Variants in TPST1 observed in about 807,000 individuals in gnomAD.
TPST1 encodes protein-tyrosine sulfotransferase 1.
A neutral mutation model predicts 34.8 loss-of-function variants in TPST1; 20 were observed. The ratio of observed to expected loss-of-function variants is 0.57; its 90% CI spans 0.40 to 0.84. The LOEUF is 0.84. Among genes scored for constraint, TPST1 ranks in the 40% least tolerant of loss-of-function variants. The pLI, the probability that TPST1 is intolerant of heterozygous loss-of-function variation, is 0.00. For synonymous variants in TPST1, 152 were observed against 159.4 expected (o/e 0.95, Z 0.35); for missense variants, 353 against 455.5 (o/e 0.78, Z 2.05).
At chr7:66,297,690 A>G (rs1433272382) in intron 3 of TPST1, among the ~76,000 whole-genome samples, 1 of 152,250 alleles carries the variant, frequency 6.6e-6, no homozygotes, top group Non-Finnish European at 1.5e-5. Flanking sequence ...ATGAAAATGA[A>G]GTCAGCTGGG....
intron 4 of TPST1, among the ~76,000 whole-genome samples, chr7:66,353,683 C>CCCTTTCCAGCAAG (rs1370530166): frequency 6.6e-6 from 1 of 152,198 alleles, no homozygotes; most frequent in African/African-American, 2.4e-5. Context: ...CAGCCGACTT[C>CCCTTTCCAGCAAG]CCTTTCCAGC....
chr7:66,359,678 A>T (rs1792653122), intron 5 of TPST1, among the ~76,000 whole-genome samples: 1 of 152,200 alleles, frequency 6.6e-6, no homozygotes, highest in African/African-American at 2.4e-5. Flanking sequence ...AGCTACTTGC[A>T]TGCATCTGAA....
intron 3 of TPST1, among the ~76,000 whole-genome samples, chr7:66,339,149 C>A (rs1792183354): frequency 6.6e-6 from 1 of 151,288 alleles, no homozygotes. Context: ...ATAAGCAAAA[C>A]CAGAGGTGAA....
upstream of TPST1, among the ~76,000 whole-genome samples, chr7:66,200,438 G>C (rs982098834): frequency 2.0e-4 from 16 of 78,198 alleles, no homozygotes; most frequent in African/African-American, 6.9e-4. Flanking sequence ...TTTTTTTTTT[G>C]AGATGGAGTT....
chr7:66,281,995 C>CT lies in TPST1; in HGVS notation c.846-4515dup, dbSNP rs147108178. 4.8e-3 allele frequency among the ~76,000 whole-genome samples: 727 copies of CT among 152,274 alleles called. 3 individuals are homozygous for CT. Among genetic ancestry groups the CT allele is most frequent in the African/African-American group, 0.017 (710 of 41,566 alleles). ...GGCAGTTGGGACTGGGGAGAACTTG[C>CT]TGAGTCACAGATATCTTGTCTCAGT... On this transcript the variant is annotated intron_variant, in intron 2 of 5. Coordinates refer to ENST00000304842, the MANE Select transcript of TPST1 (RefSeq NM_003596.4).
intron 3 of TPST1, among the ~76,000 whole-genome samples, chr7:66,317,104 G>A (rs1791648546): frequency 6.6e-6 from 1 of 152,228 alleles, no homozygotes; most frequent in African/African-American, 2.4e-5. Context: ...GGCATGGAAA[G>A]ACATAAACAT....
intron 2 of TPST1, among the ~76,000 whole-genome samples, chr7:66,282,769 C>G (rs534207140): frequency 8.5e-4 from 130 of 152,298 alleles, no homozygotes; most frequent in African/African-American, 3.0e-3. Flanking sequence ...CCAACCAGAC[C>G]GTGACCTCCT....
rs746587644 is a variant in TPST1 at position 66,240,976 on chromosome 7, G to A, written c.551G>A (p.Arg184Gln). Residue 184 changes from arginine to glutamine, a missense_variant, in exon 2 of 6, where the codon CGA becomes CAA. Transcript: ENST00000304842. ...FPNAKFLLMV[R>Q]DGRASVHSMI... The stretch of plus-strand genomic sequence containing the variant: ...AATGCCAAATTTCTCCTGATGGTCC[G>A]AGATGGCCGGGCATCAGTACATTCA... 2.5e-6 allele frequency: 4 copies of A among 1,613,958 alleles called. No homozygotes were observed. Among genetic ancestry groups the A allele is most frequent in the Non-Finnish European group, 1.7e-6 (2 of 1,180,034 alleles).
intron 3 of TPST1, among the ~76,000 whole-genome samples, chr7:66,314,294 G>A (rs1227091592): frequency 3.9e-5 from 6 of 152,190 alleles, no homozygotes; most frequent in Admixed American, 3.9e-4. Context: ...CAACACTTTG[G>A]GAGGCAGAGG....
At chr7:66,346,472 A>G (rs1158817385) in intron 3 of TPST1, among the ~76,000 whole-genome samples, 1 of 152,084 alleles carries the variant, frequency 6.6e-6, no homozygotes, top group Admixed American at 6.5e-5. Context: ...CCTTTTCTCC[A>G]CATCCTCACC....
At position 66,259,724 on chromosome 7, in the gene TPST1, A is replaced by G. The variant is rs368629395; in HGVS notation, c.845+18454A>G. Among the ~76,000 whole-genome samples the G allele has an allele frequency of 2.0e-4, 30 of 152,308 alleles. 1 individual carries two copies. The East Asian group carries it at 3.1e-3, about 16-fold the overall frequency. ...CCCCCAATATCAGTATCCTACTGGTATATTTATTACAATCGATGAATTTAT... is the reference window on the plus strand; with the variant it reads ...CCCCCAATATCAGTATCCTACTGGTGTATTTATTACAATCGATGAATTTAT... On this transcript the variant is annotated intron_variant, in intron 2 of 5. Transcript: ENST00000304842.
chr7:66,348,070 T>C (rs1473822548), intron 3 of TPST1, among the ~76,000 whole-genome samples: 2 of 152,346 alleles, frequency 1.3e-5, no homozygotes, highest in African/African-American at 4.8e-5. Context: ...GGTAGTTGCT[T>C]AGGCAAAACA....
intron 3 of TPST1, among the ~76,000 whole-genome samples, chr7:66,297,933 C>G (rs1224153779): frequency 6.6e-6 from 1 of 152,162 alleles, no homozygotes; most frequent in Non-Finnish European, 1.5e-5. Context: ...TGAATGACTC[C>G]ACTGTTACTA....
At chr7:66,211,891 G>T (rs373602492) in intron 1 of TPST1, among the ~76,000 whole-genome samples, 1 of 152,166 alleles carries the variant, frequency 6.6e-6, no homozygotes, top group African/African-American at 2.4e-5. Context: ...CCTTGAACCC[G>T]GGAGGCGGAG....
intron 1 of TPST1, among the ~76,000 whole-genome samples, chr7:66,228,980 C>T (rs891002015): frequency 2.6e-5 from 4 of 152,168 alleles, no homozygotes; most frequent in Non-Finnish European, 4.4e-5. Flanking sequence ...TATATTGAGT[C>T]ATGTAACAGT....
At chr7:66,324,691 C>T (rs573508142) in intron 3 of TPST1, among the ~76,000 whole-genome samples, 1 of 149,888 alleles carries the variant, frequency 6.7e-6, no homozygotes, top group Admixed American at 6.8e-5. Flanking sequence ...CCCAGCTACT[C>T]GGGAGGCTGA....
intron 2 of TPST1, among the ~76,000 whole-genome samples, chr7:66,263,695 G>A (rs1384432448): frequency 1.3e-5 from 2 of 152,152 alleles, no homozygotes; most frequent in Non-Finnish European, 2.9e-5. Context: ...TAAATTCTAA[G>A]TAAATGCTTG....
intron 2 of TPST1, among the ~76,000 whole-genome samples, chr7:66,267,978 G>T: frequency 6.7e-6 from 1 of 150,098 alleles, no homozygotes; most frequent in African/African-American, 2.5e-5. Context: ...TTTTTGACAG[G>T]GTTTCCATCT....
At position 66,332,081 on chromosome 7, in the gene TPST1, ATAAAGTGCACAG is replaced by A. The variant is rs1184229779; in HGVS notation, c.1045-20419_1045-20408del. The stretch of plus-strand genomic sequence containing the variant: ...ATATTATGATGTAATAATAACAGAA[ATAAAGTGCACAG>A]TAAACGTAATGTGCTTGAATCATCC... On this transcript the variant is annotated intron_variant, in intron 3 of 5. Coordinates refer to ENST00000304842, the MANE Select transcript of TPST1 (RefSeq NM_003596.4). This position sits in a 1 kb window ranked among gnomAD's most constrained non-coding sequence, Gnocchi z 4.5. 1.3e-5 allele frequency among the ~76,000 whole-genome samples: 2 copies of A among 152,186 alleles called. No individual in the cohort carries two copies. The highest frequency in any genetic ancestry group is 2.9e-5 in the Non-Finnish European group (2 of 68,040).
Sources: gnomAD v4.1 joint callset for allele counts (sites outside exome capture counted in the v4.1 genomes callset) on GRCh38, gnomAD v4.1.1 for gene constraint, Gnocchi (gnomAD v3.1) non-coding constraint, MANE v1.5 for transcripts, NCBI Gene and HGNC (gene_info 2026-07-23, HGNC 2026-07-21) for gene names.